Variants in SNX25 observed in about 807,000 individuals in gnomAD.
SNX25 encodes sorting nexin 25.
A neutral mutation model predicts 113.7 loss-of-function variants in SNX25; 62 were observed. The observed-to-expected ratio is 0.55, with a 90% CI of 0.44 to 0.67. The LOEUF is 0.67. SNX25 is among the 30% of genes least tolerant of loss of function. The pLI, the probability that SNX25 is intolerant of heterozygous loss-of-function variation, is 0.00. For missense variants in SNX25, 1,014 were observed against 1,161.0 expected, an observed-to-expected ratio of 0.87 and a Z score of 1.84; for synonymous variants, 421 against 436.2, an observed-to-expected ratio of 0.97 and a Z score of 0.43.
chr4:185,255,478 C>T (rs1202707980), intron 2 of SNX25, among the ~76,000 whole-genome samples: 1 of 152,138 alleles, frequency 6.6e-6, no homozygotes, highest in African/African-American at 2.4e-5. Flanking sequence ...TGATACTTAG[C>T]TTGAAGAGAG....
At chr4:185,319,458 C>G (rs1439782267) in intron 7 of SNX25, among the ~76,000 whole-genome samples, 1 of 150,288 alleles carries the variant, frequency 6.7e-6, no homozygotes, top group Non-Finnish European at 1.5e-5. Flanking sequence ...CTTGGCCTGC[C>G]ACAGTGCTGG....
intron 1 of SNX25, among the ~76,000 whole-genome samples, chr4:185,216,445 T>C (rs1293799561): frequency 6.6e-6 from 1 of 151,506 alleles, no homozygotes; most frequent in Non-Finnish European, 1.5e-5. Context: ...GTACAATGCA[T>C]GATTAAACCT....
chr4:185,271,714 G>C (rs567044556), intron 5 of SNX25, among the ~76,000 whole-genome samples: 1 of 152,334 alleles, frequency 6.6e-6, no homozygotes, highest in Admixed American at 6.5e-5. Flanking sequence ...GTTTTATTTA[G>C]ACTAAGCAGT....
chr4:185,332,720 T>C lies in SNX25; in HGVS notation c.1875T>C (p.Ala625=). The change falls in exon 10 of 19, where the codon GCT becomes GCC. Residue 625 remains alanine, a synonymous_variant. Transcript: ENST00000652585. Reference sequence around the variant, plus strand: ...AGAAACTTGAATATAAAAGGCAAGCTCTAAATTCTATTCAAAATGCACCAA... The same window carrying C: ...AGAAACTTGAATATAAAAGGCAAGCCCTAAATTCTATTCAAAATGCACCAA... ...LNEKLEYKRQ[A]LNSIQNAPKP... 1.9e-6 allele frequency: 3 copies of C among 1,613,986 alleles called. No individual in the cohort carries two copies. Among genetic ancestry groups the C allele is most frequent in the Non-Finnish European group, 2.5e-6 (3 of 1,179,962 alleles).
rs1464503234 is a variant in SNX25, at chr4:185,259,029, C to G, written c.696C>G (p.Leu232=). 1 of 1,614,132 alleles carries G rather than the reference C, an allele frequency of 6.2e-7. No individual in the cohort carries two copies. Residue 232 remains leucine (L), a synonymous_variant, in exon 3 of 19, where the codon CTC becomes CTG. Coordinates refer to ENST00000652585, the MANE Select transcript of SNX25 (RefSeq NM_001378034.2). The stretch of plus-strand genomic sequence containing the variant: ...GCAATGATGTTGTGAGGACTTTACT[C>G]ACTCATTTCTGTGACCTGAAAGCTG... ...VVCNDVVRTL[L]THFCDLKAAN...
chr4:185,266,838 A>T, intron 4 of SNX25, 131 bp from the exon 5 acceptor site: 2 of 773,236 alleles, frequency 2.6e-6, no homozygotes, highest in Non-Finnish European at 4.0e-6. Flanking sequence ...TGTTTATTGT[A>T]TTATATAGAT....
intron 6 of SNX25, among the ~76,000 whole-genome samples, chr4:185,291,427 T>C (rs1752155946): frequency 6.6e-6 from 1 of 152,240 alleles, no homozygotes. Context: ...GTTTGACAAG[T>C]CTATGTACCT....
intron 7 of SNX25, among the ~76,000 whole-genome samples, chr4:185,315,091 G>A (rs1302382790): frequency 6.6e-6 from 1 of 150,766 alleles, no homozygotes; most frequent in Non-Finnish European, 1.5e-5. Flanking sequence ...AGCCGGGCGC[G>A]GTGGTGGGCG....
chr4:185,324,845 A>G (rs2095145084), intron 9 of SNX25, among the ~76,000 whole-genome samples: 1 of 152,144 alleles, frequency 6.6e-6, no homozygotes, highest in Non-Finnish European at 1.5e-5. Context: ...CTTCCTACTG[A>G]TGAGGGGACG....
At chr4:185,377,218 G>C in the SNX25 span, 2 of 546,494 alleles carry the variant, frequency 3.7e-6, no homozygotes, top group Non-Finnish European at 3.3e-6. Flanking sequence ...ACTGTGCCTT[G>C]TGTAATAAAG....
intron 6 of SNX25, among the ~76,000 whole-genome samples, chr4:185,308,631 G>C (rs368376196): frequency 6.6e-6 from 1 of 152,182 alleles, no homozygotes; most frequent in African/African-American, 2.4e-5. Context: ...TTTAATGAGC[G>C]TCTCCTTTGC....
At chr4:185,256,029 G>A (rs1028949285) in intron 2 of SNX25, among the ~76,000 whole-genome samples, 1 of 152,142 alleles carries the variant, frequency 6.6e-6, no homozygotes, top group Non-Finnish European at 1.5e-5. Flanking sequence ...ATTAATATCT[G>A]AAAATGAGCA....
At chr4:185,304,780 C>T (rs1262206405) in intron 6 of SNX25, among the ~76,000 whole-genome samples, 2 of 152,242 alleles carry the variant, frequency 1.3e-5, no homozygotes, top group South Asian at 4.1e-4. Context: ...TGAGCCACCA[C>T]ATCCAGCCTA....
At chr4:185,205,870 A>G (rs1737166962), upstream of SNX25, among the ~76,000 whole-genome samples, 1 of 152,222 alleles carries the variant, frequency 6.6e-6, no homozygotes, top group African/African-American at 2.4e-5. Flanking sequence ...TATCTTACAA[A>G]GGACTTGAGT....
intron 1 of SNX25, among the ~76,000 whole-genome samples, chr4:185,240,801 C>T (rs1218951765): frequency 3.0e-4 from 45 of 149,000 alleles, no homozygotes; most frequent in African/African-American, 9.2e-4. Flanking sequence ...ACTTCTCAGA[C>T]GGGGCGGTTG....
chr4:185,346,659 G>A lies in SNX25; in HGVS notation c.2301+9G>A, dbSNP rs1212364084. The A allele has an allele frequency of 1.3e-6, 2 of 1,510,660 alleles. No homozygotes were observed. The highest frequency in any genetic ancestry group is 2.4e-5 in the East Asian group (1 of 42,450). 93.6% of individuals were successfully genotyped at this position (1,510,660 alleles called of 1,614,324 possible). A position where few individuals can be genotyped will look rare whatever the true frequency, so the allele number is the denominator to read the frequency against. ...TAAATAAGTTTTTACAGGTAAGCAA[G>A]TGAAAAATGTGGGATATGAGAGAAA... On this transcript the variant is annotated intron_variant, in intron 13 of 18. Coordinates refer to ENST00000652585, the MANE Select transcript of SNX25 (RefSeq NM_001378034.2).
chr4:185,361,952 T>C lies in SNX25; in HGVS notation c.2680T>C (p.Phe894Leu), dbSNP rs2095366548. The change falls in exon 17 of 19, where the codon TTC (phenylalanine) becomes CTC (leucine). Residue 894 changes from phenylalanine (F) to leucine (L), a missense_variant. Physicochemically the swap from Phe to Leu is conservative, Grantham distance 22. Transcript: ENST00000652585. ...KQIRDTVSWI[F>L]SEQMLVYYIN... ...AATCCGGGACACAGTCAGCTGGATT[T>C]TCAGTGAGCAAATGTTGGTTTACTA... is the stretch of plus-strand genomic sequence containing the variant. The C allele has an allele frequency of 6.2e-7, 1 of 1,614,094 alleles. No individual in the cohort carries two copies. Among genetic ancestry groups the C allele is most frequent in the Non-Finnish European group, 8.5e-7 (1 of 1,179,996 alleles).
downstream of SNX25, chr4:185,367,250 A>C: frequency 6.2e-7 from 1 of 1,611,366 alleles, no homozygotes; most frequent in South Asian, 1.1e-5. Context: ...ACAAGCCTTA[A>C]AATCAAAAAG....
chr4:185,336,931 C>G (rs2095233946), intron 10 of SNX25, among the ~76,000 whole-genome samples: 1 of 152,130 alleles, frequency 6.6e-6, no homozygotes, highest in East Asian at 1.9e-4. Flanking sequence ...AGCATTTTTT[C>G]ATATGCTTGT....
Sources: allele counts gnomAD v4.1 joint callset (sites outside exome capture counted in the v4.1 genomes callset), GRCh38; gene constraint gnomAD v4.1.1; transcripts MANE v1.5; gene names NCBI Gene and HGNC (gene_info 2026-07-23, HGNC 2026-07-21).